Variants in HSD11B2 observed in about 807,000 individuals in gnomAD.
The protein encoded by HSD11B2 is 11-beta-hydroxysteroid dehydrogenase type 2.
A neutral mutation model predicts 20.9 loss-of-function variants in HSD11B2; 17 were observed. That is an observed-to-expected ratio of 0.81 (90% CI 0.56 to 1.22). The LOEUF is 1.22. Among genes scored for constraint, HSD11B2 ranks in the 50% most tolerant of loss-of-function variants. The pLI is 0.00. For missense variants in HSD11B2, 480 were observed against 563.6 expected (o/e 0.85, Z 1.50); for synonymous variants, 253 against 255.4 (o/e 0.99, Z 0.09).
Position 67,437,172 on chromosome 16 carries a change from G to A in HSD11B2, c.*169G>A. On this transcript the variant is annotated 3_prime_UTR_variant, in exon 5 of 5. Transcript: ENST00000326152. The stretch of plus-strand genomic sequence containing the variant: ...CCGATGCCCAATCCAGGCCCGGTGA[G>A]GCCAAGGTTTCCCAGTGAGCCTCTG... The A allele has an allele frequency of 1.4e-6, 1 of 712,968 alleles. No homozygotes were observed. Among genetic ancestry groups the A allele is most frequent in the Non-Finnish European group, 2.3e-6 (1 of 436,536 alleles). 44.2% of individuals were successfully genotyped at this position (712,968 alleles called of 1,614,324 possible). A position where few individuals can be genotyped will look rare whatever the true frequency, so the allele number is the denominator to read the frequency against.
In HSD11B2 at chr16:67,431,342, CG is replaced by C; in HGVS notation, c.95del (p.Arg32ProfsTer85). The C allele has an allele frequency of 8.0e-7, 1 of 1,243,340 alleles. No homozygotes were observed. The highest frequency in any genetic ancestry group is 1.0e-6 in the Non-Finnish European group (1 of 983,782). 77.0% of individuals were successfully genotyped at this position (1,243,340 alleles called of 1,614,324 possible). On this transcript the variant is annotated frameshift_variant, in exon 1 of 5. Transcript: ENST00000326152. LOFTEE classifies it high-confidence loss of function. The part of the protein sequence containing the change: ...QLLRSDLRLG[R>X]PLLAALALLA... ...GCTGCGCTCAGACCTGCGTCTGGGCCGCCCGCTGCTGGCGGCGCTGGCGCTG... is the reference window on the plus strand; with the variant it reads ...GCTGCGCTCAGACCTGCGTCTGGGCCCCCGCTGCTGGCGGCGCTGGCGCTG...
Position 67,431,522 on chromosome 16 carries a change from G to A in HSD11B2, c.265+9G>A. The stretch of plus-strand genomic sequence containing the variant: ...CGCGGTGCTCATCACCGGTGAGTGC[G>A]CGGGTCGCGGAGCGCGGGGACTCCA... On this transcript the variant is annotated intron_variant, in intron 1 of 4. Coordinates refer to ENST00000326152, the MANE Select transcript of HSD11B2 (RefSeq NM_000196.4). 7.3e-7 allele frequency: 1 copy of A among 1,373,084 alleles called. No homozygotes were observed. The allele number at this position is 1,373,084 out of a possible 1,614,324, so 85.1% of individuals were successfully genotyped here.
In HSD11B2 at chr16:67,437,367, G is replaced by A. The variant is rs1040476483; in HGVS notation, c.*364G>A. The A allele has an allele frequency of 5.6e-6, 2 of 357,506 alleles. No homozygotes were observed. Among genetic ancestry groups the A allele is most frequent in the Non-Finnish European group, 1.0e-5 (2 of 193,058 alleles). 22.1% of individuals were successfully genotyped at this position (357,506 alleles called of 1,614,324 possible). A position where few individuals can be genotyped will look rare whatever the true frequency, so the allele number is the denominator to read the frequency against. ...CTAAGGAGTGACTAGGTGGGTTGGG[G>A]ACCCCCTCAGGATTGTTTCTCGGCA... On this transcript the variant is annotated 3_prime_UTR_variant, in exon 5 of 5. Transcript: ENST00000326152.
Position 67,436,523 on chromosome 16 carries a change from AAC to A in HSD11B2, c.803-63_803-62del, listed in dbSNP as rs929635778. On this transcript the variant is annotated intron_variant, in intron 4 of 4. Coordinates refer to ENST00000326152, the MANE Select transcript of HSD11B2 (RefSeq NM_000196.4). The surrounding 1 kb of genome is among the most constrained non-coding windows in gnomAD (Gnocchi z 5.7). ...TTGGCTGCAGACCTGGCGCGGGTTA[AAC>A]AGTCCTAATTGGCTTTGGCTCCCCT... The A allele has an allele frequency of 1.9e-6, 3 of 1,598,942 alleles. No individual in the cohort carries two copies. In the African/African-American group the frequency reaches 4.0e-5, roughly 22 times the overall value.
upstream of HSD11B2, chr16:67,431,084 C>A (rs1597560143): frequency 5.0e-6 from 1 of 201,582 alleles, no homozygotes; most frequent in Non-Finnish European, 9.6e-6. Context: ...CCCCCGCCCC[C>A]GGGGCTCTTC....
chr16:67,436,287 T>A lies in HSD11B2; in HGVS notation c.703T>A (p.Ser235Thr). The A allele has an allele frequency of 6.2e-7, 1 of 1,613,740 alleles. No homozygotes were observed. The highest frequency in any genetic ancestry group is 1.3e-5 in the African/African-American group (1 of 74,892). Residue 235 changes from serine to threonine, a missense_variant, in exon 4 of 5, where the codon TCC becomes ACC. By Grantham distance (58) the Ser-to-Thr change is moderately conservative. Coordinates refer to ENST00000326152, the MANE Select transcript of HSD11B2 (RefSeq NM_000196.4). This position sits in a 1 kb window ranked among gnomAD's most constrained non-coding sequence, Gnocchi z 5.7. ...TCCGTGCTTGGGGGCCTATGGAACC[T>A]CCAAAGCGGCCGTGGCGCTACTCAT... ...PYPCLGAYGTSKAAVALLMDT... is the reference protein window; with the variant it reads ...PYPCLGAYGTTKAAVALLMDT...
Position 67,436,570 on chromosome 16 carries a change from T to C in HSD11B2, c.803-18T>C, listed in dbSNP as rs1219292957. 1 of 1,613,802 alleles carries C rather than the reference T, an allele frequency of 6.2e-7. No homozygotes were observed. Among genetic ancestry groups the C allele is most frequent in the Admixed American group, 1.7e-5 (1 of 59,986 alleles). ...TCCCCTAGCTGATCCCACTCTGACCTTGCCACTCCTTCCCCAGAGTCAGTG... is the reference window on the plus strand; with the variant it reads ...TCCCCTAGCTGATCCCACTCTGACCCTGCCACTCCTTCCCCAGAGTCAGTG... On this transcript the variant is annotated intron_variant, in intron 4 of 4. Transcript: ENST00000326152. This position sits in a 1 kb window ranked among gnomAD's most constrained non-coding sequence, Gnocchi z 5.7.
Position 67,437,157 on chromosome 16 carries a change from A to G in HSD11B2, c.*154A>G. ...ACTTCATGCCCACTGCCGATGCCCA[A>G]TCCAGGCCCGGTGAGGCCAAGGTTT... On this transcript the variant is annotated 3_prime_UTR_variant, in exon 5 of 5. Transcript: ENST00000326152. 1.2e-6 allele frequency: 1 copy of G among 813,256 alleles called. No individual in the cohort carries two copies. Among genetic ancestry groups the G allele is most frequent in the Non-Finnish European group, 1.9e-6 (1 of 523,578 alleles). The allele number at this position is 813,256 out of a possible 1,614,324, so 50.4% of individuals were successfully genotyped here.
In HSD11B2 at chr16:67,436,796, C is replaced by A. The variant is rs1047059023; in HGVS notation, c.1011C>A (p.Arg337=). 22 of 1,613,880 alleles carry A rather than the reference C, an allele frequency of 1.4e-5. No homozygotes were observed. Among genetic ancestry groups the A allele is most frequent in the Non-Finnish European group, 1.9e-5 (22 of 1,179,998 alleles). ...DALLAARPRR[R]YYPGQGLGLM... Reference sequence around the variant, plus strand: ...TGCTGGCAGCTCGGCCCCGCCGCCGCTATTACCCCGGCCAGGGCCTGGGGC... The same window carrying A: ...TGCTGGCAGCTCGGCCCCGCCGCCGATATTACCCCGGCCAGGGCCTGGGGC... Residue 337 remains arginine (R), a synonymous_variant, in exon 5 of 5, where the codon CGC becomes CGA. Transcript: ENST00000326152. The surrounding 1 kb of genome is among the most constrained non-coding windows in gnomAD (Gnocchi z 5.7).
intron 1 of HSD11B2, among the ~76,000 whole-genome samples, chr16:67,435,040 A>G (rs1285993446): frequency 2.0e-5 from 3 of 151,264 alleles, no homozygotes; most frequent in East Asian, 1.9e-4. Flanking sequence ...AACAAAAAAA[A>G]AAAAAAAGAA....
chr16:67,435,494 G>A (rs1171344224), intron 1 of HSD11B2, 134 bp from the exon 2 acceptor site: 3 of 733,228 alleles, frequency 4.1e-6, no homozygotes, highest in Non-Finnish European at 7.4e-6. Context: ...GCCTAGGGAA[G>A]GAGTTAGGGT....
At position 67,436,959 on chromosome 16, in the gene HSD11B2, G is replaced by C; in HGVS notation, c.1174G>C (p.Asp392His). 6.2e-7 allele frequency: 1 copy of C among 1,611,372 alleles called. No homozygotes were observed. The highest frequency in any genetic ancestry group is 8.5e-7 in the Non-Finnish European group (1 of 1,179,996). ...GTTPPQDAAQ[D>H]PNLSPGPSPA... ...TACCCCACCACAGGACGCAGCCCAG[G>C]ACCCAAACCTGAGCCCCGGCCCTTC... is the stretch of plus-strand genomic sequence containing the variant. The change falls in exon 5 of 5, where the codon GAC becomes CAC. Residue 392 changes from aspartate (D) to histidine (H), a missense_variant. By Grantham distance (81) the Asp-to-His change is moderately conservative. This residue lies in a region of HSD11B2 where 374 missense variants were observed against 480.9 expected (regional missense o/e 0.78). Coordinates refer to ENST00000326152, the MANE Select transcript of HSD11B2 (RefSeq NM_000196.4). This position sits in a 1 kb window ranked among gnomAD's most constrained non-coding sequence, Gnocchi z 5.7.
Position 67,436,929 on chromosome 16 carries a change from G to C in HSD11B2, c.1144G>C (p.Gly382Arg). The part of the protein sequence containing the change: ...LPRALQPGQP[G>R]TTPPQDAAQD... ...TCGAGCACTGCAGCCTGGCCAGCCTGGCACTACCCCACCACAGGACGCAGC... is the reference window on the plus strand; with the variant it reads ...TCGAGCACTGCAGCCTGGCCAGCCTCGCACTACCCCACCACAGGACGCAGC... The change falls in exon 5 of 5, where the codon GGC becomes CGC. Residue 382 changes from glycine (G) to arginine (R), a missense_variant. Gly to Arg is a moderately radical substitution (Grantham distance 125). Coordinates refer to ENST00000326152, the MANE Select transcript of HSD11B2 (RefSeq NM_000196.4). The surrounding 1 kb of genome is among the most constrained non-coding windows in gnomAD (Gnocchi z 5.7). The C allele has an allele frequency of 6.2e-7, 1 of 1,612,450 alleles. No homozygotes were observed. The highest frequency in any genetic ancestry group is 1.3e-5 in the African/African-American group (1 of 75,060).
At position 67,435,804 on chromosome 16, in the gene HSD11B2, G is replaced by C. The variant is rs1139495; in HGVS notation, c.442G>C (p.Val148Leu). The C allele has an allele frequency of 1.2e-6, 2 of 1,614,062 alleles. No homozygotes were observed. The highest frequency in any genetic ancestry group is 1.7e-6 in the Non-Finnish European group (2 of 1,180,036). The change falls in exon 2 of 5, where the codon GTG (valine) becomes CTG (leucine). Residue 148 changes from valine to leucine, a missense_variant. Around this residue, in one of 2 missense-constraint regions of HSD11B2, gnomAD observed 374 missense variants for 480.9 expected, o/e 0.78. Coordinates refer to ENST00000326152, the MANE Select transcript of HSD11B2 (RefSeq NM_000196.4). ...GACCAAACCAGGAGACATTAGCCGC[G>C]TGCTAGAGTTCACCAAGGCCCACAC... ...DLTKPGDISR[V>L]LEFTKAHTTS...
Position 67,431,306 on chromosome 16 carries a change from C to A in HSD11B2, c.58C>A (p.Leu20Met). The change falls in exon 1 of 5, where the codon CTG (leucine) becomes ATG (methionine). Residue 20 changes from leucine to methionine, a missense_variant. Leu to Met is a conservative substitution (Grantham distance 15). Transcript: ENST00000326152. ...GAWLLVAARA[L>M]LQLLRSDLRL... ...CTGGCTGCTCGTGGCTGCCCGCGCGCTGCTGCAGCTGCTGCGCTCAGACCT... is the reference window on the plus strand; with the variant it reads ...CTGGCTGCTCGTGGCTGCCCGCGCGATGCTGCAGCTGCTGCGCTCAGACCT... 1 of 1,257,076 alleles carries A rather than the reference C, an allele frequency of 8.0e-7. No homozygotes were observed. The highest frequency in any genetic ancestry group is 2.1e-5 in the South Asian group (1 of 46,986). 77.9% of individuals were successfully genotyped at this position (1,257,076 alleles called of 1,614,324 possible).
chr16:67,431,537 CG>C, intron 1 of HSD11B2, 24 bp downstream of exon 1: 4 of 1,351,518 alleles, frequency 3.0e-6, no homozygotes, highest in South Asian at 1.8e-5. Flanking sequence ...TCGCGGAGCG[CG>C]GGGACTCCAG....
intron 1 of HSD11B2, among the ~76,000 whole-genome samples, chr16:67,432,408 G>A (rs891618944): frequency 6.6e-6 from 1 of 152,208 alleles, no homozygotes; most frequent in Non-Finnish European, 1.5e-5. Flanking sequence ...CCTTGCGCTG[G>A]GCCTTTGCTG....
chr16:67,435,222 A>G (rs1301733055), intron 1 of HSD11B2, among the ~76,000 whole-genome samples: 2 of 150,130 alleles, frequency 1.3e-5, no homozygotes, highest in African/African-American at 4.9e-5. Context: ...AAAAAAAAAA[A>G]GAGAAAGGGA....
rs760848811 is a variant in HSD11B2 at position 67,436,536 on chromosome 16, G to C, written c.803-52G>C. 6.2e-7 allele frequency: 1 copy of C among 1,607,356 alleles called. No individual in the cohort carries two copies. The highest frequency in any genetic ancestry group is 8.5e-7 in the Non-Finnish European group (1 of 1,176,014). Reference sequence around the variant, plus strand: ...TGGCGCGGGTTAAACAGTCCTAATTGGCTTTGGCTCCCCTAGCTGATCCCA... The same window carrying C: ...TGGCGCGGGTTAAACAGTCCTAATTCGCTTTGGCTCCCCTAGCTGATCCCA... On this transcript the variant is annotated intron_variant, in intron 4 of 4. Coordinates refer to ENST00000326152, the MANE Select transcript of HSD11B2 (RefSeq NM_000196.4). This position sits in a 1 kb window ranked among gnomAD's most constrained non-coding sequence, Gnocchi z 5.7.
Sources: allele counts gnomAD v4.1 joint callset (sites outside exome capture counted in the v4.1 genomes callset), GRCh38; gene constraint gnomAD v4.1.1; regional missense constraint gnomAD v4.1.1; non-coding constraint Gnocchi (gnomAD v3.1); transcripts MANE v1.5; gene names NCBI Gene and HGNC (gene_info 2026-07-23, HGNC 2026-07-21).